MUC15: variants seen among roughly 807,000 people sequenced by gnomAD.
MUC15 encodes mucin 15, cell surface associated, also known as mucin-15.
MUC15 carries 23 observed loss-of-function variants against 24.0 expected under a neutral mutation model. That is an observed-to-expected ratio of 0.96 (90% CI 0.69 to 1.36). MUC15 has a LOEUF of 1.36. MUC15 is among the 40% of genes most tolerant of loss of function. The pLI is 0.00. For missense variants in MUC15, 442 were observed against 428.2 expected (o/e 1.03, Z -0.29); for synonymous variants, 151 against 156.3 (o/e 0.97, Z 0.25).
Position 26,560,541 on chromosome 11 carries a change from G to A in MUC15, c.*524C>T, listed in dbSNP as rs1431262966. 6.5e-6 allele frequency: 1 copy of A among 152,928 alleles called. No homozygotes were observed. The highest frequency in any genetic ancestry group is 2.4e-5 in the African/African-American group (1 of 41,420). 9.5% of individuals were successfully genotyped at this position (152,928 alleles called of 1,614,324 possible). A position where few individuals can be genotyped will look rare whatever the true frequency, so the allele number is the denominator to read the frequency against. Reference sequence around the variant, plus strand: ...TTATAACGTACTAGAATACAGGTCTGTCATTTCTATTGCCTCAATTTCCCA... The same window carrying A: ...TTATAACGTACTAGAATACAGGTCTATCATTTCTATTGCCTCAATTTCCCA... On this transcript the variant is annotated 3_prime_UTR_variant, in exon 5 of 5. Coordinates refer to ENST00000529533, the MANE Select transcript of MUC15 (RefSeq NM_001135091.2).
chr11:26,567,598 T>C (rs1291756800), intron 1 of MUC15, among the ~76,000 whole-genome samples: 1 of 152,048 alleles, frequency 6.6e-6, no homozygotes, highest in Non-Finnish European at 1.5e-5. Context: ...CTGATACTTC[T>C]CTTCAAAAGC....
chr11:26,562,729 T>A (rs904294210), intron 4 of MUC15, among the ~76,000 whole-genome samples: 6 of 151,876 alleles, frequency 4.0e-5, no homozygotes, highest in African/African-American at 1.4e-4. Flanking sequence ...AGAATCAATC[T>A]TTGTTCAAAT....
rs1850519173 is a variant in MUC15 at position 26,565,222 on chromosome 11, T to C, written c.718A>G (p.Thr240Ala). 4.0e-6 allele frequency: 6 copies of C among 1,518,634 alleles called. No homozygotes were observed. Among genetic ancestry groups the C allele is most frequent in the Non-Finnish European group, 5.3e-6 (6 of 1,133,516 alleles). 94.1% of individuals were successfully genotyped at this position (1,518,634 alleles called of 1,614,324 possible). A position where few individuals can be genotyped will look rare whatever the true frequency, so the allele number is the denominator to read the frequency against. Reference protein sequence around the residue: ...PYQEKTTLQPTLKFTNNSKLF... With the variant: ...PYQEKTTLQPALKFTNNSKLF... ...TTTGAATTATTGGTGAATTTTAAGGTAGGCTGTAGAGTTGTTTTTTCTTGA... is the reference window on the plus strand; with the variant it reads ...TTTGAATTATTGGTGAATTTTAAGGCAGGCTGTAGAGTTGTTTTTTCTTGA... Residue 240 changes from threonine (T) to alanine (A), a missense_variant, in exon 3 of 5, where the codon ACC becomes GCC. Coordinates refer to ENST00000529533, the MANE Select transcript of MUC15 (RefSeq NM_001135091.2).
rs1282506815 is a variant in MUC15 at position 26,565,797 on chromosome 11, C to T, written c.143G>A (p.Ser48Asn). 6.2e-7 allele frequency: 1 copy of T among 1,613,204 alleles called. No individual in the cohort carries two copies. The highest frequency in any genetic ancestry group is 1.1e-5 in the South Asian group (1 of 91,056). Reference protein sequence around the residue: ...STLFYSLLSGSHGKENQDINT... With the variant: ...STLFYSLLSGNHGKENQDINT... ...TATGTCTTGATTTTCTTTTCCATGG[C>T]TCCCCGATAGAAGTGAATAAAACAA... is the stretch of plus-strand genomic sequence containing the variant. The change falls in exon 3 of 5, where the codon AGC becomes AAC. Residue 48 changes from serine (S) to asparagine (N), a missense_variant. By Grantham distance (46) the Ser-to-Asn change is conservative. Coordinates refer to ENST00000529533, the MANE Select transcript of MUC15 (RefSeq NM_001135091.2).
Position 26,559,559 on chromosome 11 carries a change from G to C in MUC15, c.*1506C>G, listed in dbSNP as rs1850199546. ...CCCATGAGAAAAATCATGTGAAATT[G>C]TTGCAAGACCCATGAAAGGAATTCA... On this transcript the variant is annotated 3_prime_UTR_variant, in exon 5 of 5. Coordinates refer to ENST00000529533, the MANE Select transcript of MUC15 (RefSeq NM_001135091.2). The C allele has an allele frequency of 5.1e-6, 3 of 584,536 alleles. No individual in the cohort carries two copies. In the East Asian group the frequency reaches 8.6e-5, roughly 17 times the overall value. The allele number at this position is 584,536 out of a possible 1,614,324, so 36.2% of individuals were successfully genotyped here. A position where few individuals can be genotyped will look rare whatever the true frequency, so the allele number is the denominator to read the frequency against.
At position 26,559,808 on chromosome 11, in the gene MUC15, C is replaced by T; in HGVS notation, c.*1257G>A. 1 of 1,371,292 alleles carries T rather than the reference C, an allele frequency of 7.3e-7. No individual in the cohort carries two copies. Among genetic ancestry groups the T allele is most frequent in the Non-Finnish European group, 1.0e-6 (1 of 968,396 alleles). 84.9% of individuals were successfully genotyped at this position (1,371,292 alleles called of 1,614,324 possible). On this transcript the variant is annotated 3_prime_UTR_variant, in exon 5 of 5. Transcript: ENST00000529533. Reference sequence around the variant, plus strand: ...AGTACTTTCTTCATTACTTTCTATCCCTTATTTTCTGAAGCTGTTTCTGTG... The same window carrying T: ...AGTACTTTCTTCATTACTTTCTATCTCTTATTTTCTGAAGCTGTTTCTGTG...
At position 26,565,552 on chromosome 11, in the gene MUC15, T is replaced by C. The variant is rs1850537808; in HGVS notation, c.388A>G (p.Thr130Ala). The stretch of plus-strand genomic sequence containing the variant: ...GGAGGGCTTGTGGAAATGGTAGATG[T>C]GGGTTTTAGACTGCCCAAAGAATGC... ...AEHSLGSLKP[T>A]STISTSPPLI... The change falls in exon 3 of 5, where the codon ACA becomes GCA. Residue 130 changes from threonine (T) to alanine (A), a missense_variant. Transcript: ENST00000529533. 1 of 1,613,162 alleles carries C rather than the reference T, an allele frequency of 6.2e-7. No individual in the cohort carries two copies. Among genetic ancestry groups the C allele is most frequent in the Admixed American group, 1.7e-5 (1 of 59,862 alleles).
At chr11:26,561,891 AATT>A (rs1850308698) in intron 4 of MUC15, among the ~76,000 whole-genome samples, 1 of 151,936 alleles carries the variant, frequency 6.6e-6, no homozygotes, top group Non-Finnish European at 1.5e-5. Flanking sequence ...AGCAGTAACT[AATT>A]ATTAATTATA....
At chr11:26,566,884 G>T (rs981976280) in intron 2 of MUC15, among the ~76,000 whole-genome samples, 168 bp downstream of exon 2, 2 of 151,872 alleles carry the variant, frequency 1.3e-5, no homozygotes, top group African/African-American at 4.8e-5. Flanking sequence ...TCAGAGTGTT[G>T]TTCTGAAGAC....
intron 3 of MUC15, among the ~76,000 whole-genome samples, chr11:26,564,238 A>C (rs1407451123): frequency 6.6e-6 from 1 of 151,720 alleles, no homozygotes; most frequent in South Asian, 2.1e-4. Context: ...TGTTAAAATC[A>C]TAGTTAAATG....
rs117405691 is a variant in MUC15 at position 26,568,615 on chromosome 11, T to C, written c.-45-1476A>G. Among the ~76,000 whole-genome samples the C allele has an allele frequency of 6.1e-3, 927 of 152,166 alleles. 1 individual carries two copies. The highest frequency in any genetic ancestry group is 0.01 in the Middle Eastern group (3 of 294). On this transcript the variant is annotated intron_variant, in intron 1 of 4. Coordinates refer to ENST00000529533, the MANE Select transcript of MUC15 (RefSeq NM_001135091.2). ...TACACTAAATATGCTTTTGCTGTAA[T>C]TTAAGAAAATCACGATAACTGTCTA...
intron 1 of MUC15, 89 bp downstream of exon 1, chr11:26,571,952 G>T: frequency 4.2e-6 from 2 of 473,836 alleles, no homozygotes; most frequent in Non-Finnish European, 5.5e-6. Flanking sequence ...AGACCACTGC[G>T]ATTCTCTTTG....
intron 1 of MUC15, among the ~76,000 whole-genome samples, chr11:26,570,999 A>G (rs1316071759): frequency 6.6e-6 from 1 of 152,192 alleles, no homozygotes; most frequent in East Asian, 1.9e-4. Flanking sequence ...AAAAGAAAAG[A>G]CTGGCTTTCT....
chr11:26,559,778 G>C lies in MUC15; in HGVS notation c.*1287C>G. ...TCTTTGCTATTTTTATGGCAATATGGGGTAAGTACTTTCTTCATTACTTTC... is the reference window on the plus strand; with the variant it reads ...TCTTTGCTATTTTTATGGCAATATGCGGTAAGTACTTTCTTCATTACTTTC... On this transcript the variant is annotated 3_prime_UTR_variant, in exon 5 of 5. Coordinates refer to ENST00000529533, the MANE Select transcript of MUC15 (RefSeq NM_001135091.2). The C allele has an allele frequency of 6.2e-7, 1 of 1,604,270 alleles. No homozygotes were observed. Among genetic ancestry groups the C allele is most frequent in the Non-Finnish European group, 8.5e-7 (1 of 1,172,772 alleles).
In MUC15 at chr11:26,563,077, A is replaced by C. The variant is rs1039464822; in HGVS notation, c.925+39T>G. On this transcript the variant is annotated intron_variant, in intron 4 of 4. Transcript: ENST00000529533. ...ACATTGGCATCCTCATTTAATTAAAACCACTGTGCCCAGGTGAAGTATTGA... is the reference window on the plus strand; with the variant it reads ...ACATTGGCATCCTCATTTAATTAAACCCACTGTGCCCAGGTGAAGTATTGA... 4.4e-6 allele frequency: 7 copies of C among 1,598,956 alleles called. 1 individual carries two copies. Among genetic ancestry groups the C allele is most frequent in the East Asian group, 2.2e-5 (1 of 44,684 alleles).
intron 1 of MUC15, among the ~76,000 whole-genome samples, chr11:26,570,348 C>G (rs1850773200): frequency 6.6e-6 from 1 of 152,112 alleles, no homozygotes; most frequent in South Asian, 2.1e-4. Flanking sequence ...GTAAGGGAAG[C>G]AAACCCACAT....
intron 1 of MUC15, among the ~76,000 whole-genome samples, chr11:26,567,805 G>A (rs910138800): frequency 2.0e-5 from 3 of 151,988 alleles, no homozygotes; most frequent in East Asian, 3.9e-4. Flanking sequence ...AATAAACTGT[G>A]GTATATTCAG....
chr11:26,562,429 T>A (rs1850330220), intron 4 of MUC15, among the ~76,000 whole-genome samples: 2 of 151,848 alleles, frequency 1.3e-5, no homozygotes, highest in South Asian at 2.1e-4. Flanking sequence ...AACACATATT[T>A]TTTTCCCTGA....
chr11:26,563,210 G>A lies in MUC15; in HGVS notation c.831C>T (p.Val277=), dbSNP rs1486747493. The A allele has an allele frequency of 6.2e-7, 1 of 1,612,260 alleles. No homozygotes were observed. Among genetic ancestry groups the A allele is most frequent in the Non-Finnish European group, 8.5e-7 (1 of 1,178,818 alleles). The change falls in exon 4 of 5, where the codon GTC becomes GTT. Residue 277 remains valine, a synonymous_variant. Transcript: ENST00000529533. ...AGTAGCCCACAAGAGTAAGCAATGA[G>A]ACACCCAGAATAGCACCTAAAATGG... is the stretch of plus-strand genomic sequence containing the variant. ...FGAILGAILG[V]SLLTLVGYLL...
Sources: allele counts gnomAD v4.1 joint callset (sites outside exome capture counted in the v4.1 genomes callset), GRCh38; gene constraint gnomAD v4.1.1; transcripts MANE v1.5; gene names NCBI Gene and HGNC (gene_info 2026-07-23, HGNC 2026-07-21).